The following EPB41L4B variants were observed in gnomAD, a reference collection of about 807,000 sequenced individuals.
EPB41L4B encodes the protein band 4.1-like protein 4B.
A neutral mutation model predicts 112.5 loss-of-function variants in EPB41L4B; 30 were observed. The observed-to-expected ratio is 0.27, with a 90% CI of 0.20 to 0.36. The LOEUF is 0.36. Ranked by LOEUF, EPB41L4B falls within the 10% of genes least tolerant of loss-of-function variation. EPB41L4B has a pLI of 1.00. For missense variants in EPB41L4B, 1,024 were observed against 1,133.3 expected (o/e 0.90, Z 1.38); for synonymous variants, 408 against 439.7 (o/e 0.93, Z 0.90).
chr9:109,229,703 G>A (rs1833894410), intron 15 of EPB41L4B, among the ~76,000 whole-genome samples: 1 of 152,104 alleles, frequency 6.6e-6, no homozygotes, highest in African/African-American at 2.4e-5. Flanking sequence ...TTAACACATT[G>A]GGGATAAGCT....
chr9:109,265,965 TGTTC>T (rs57882924), intron 4 of EPB41L4B, among the ~76,000 whole-genome samples: 71,064 of 151,824 alleles, frequency 0.47, 16,842 homozygotes, highest in East Asian at 0.66. Flanking sequence ...CTAGAATGAC[TGTTC>T]GCCAGAAATC....
At chr9:109,259,722 C>T (rs1253805957) in intron 6 of EPB41L4B, among the ~76,000 whole-genome samples, 2 of 152,200 alleles carry the variant, frequency 1.3e-5, no homozygotes, top group Non-Finnish European at 2.9e-5. Context: ...CCTATTAGTT[C>T]TCCCTTCTTT....
chr9:109,286,875 T>C (rs1161312480), intron 1 of EPB41L4B, among the ~76,000 whole-genome samples: 1 of 152,228 alleles, frequency 6.6e-6, no homozygotes, highest in Non-Finnish European at 1.5e-5. Flanking sequence ...AATGCAATAA[T>C]GCTCCATCTC....
chr9:109,191,683 G>A (rs1273369505), intron 22 of EPB41L4B, among the ~76,000 whole-genome samples: 1 of 152,116 alleles, frequency 6.6e-6, no homozygotes, highest in African/African-American at 2.4e-5. Flanking sequence ...ATCTCTAAGG[G>A]AATCTCATCA....
At position 109,172,984 on chromosome 9, in the gene EPB41L4B, T is replaced by C. The variant is rs1831684864; in HGVS notation, c.*1570A>G. 1 of 152,540 alleles carries C rather than the reference T, an allele frequency of 6.6e-6. No homozygotes were observed. The highest frequency in any genetic ancestry group is 6.5e-5 in the Admixed American group (1 of 15,276). The allele number at this position is 152,540 out of a possible 1,614,324, so 9.4% of individuals were successfully genotyped here. A position where few individuals can be genotyped will look rare whatever the true frequency, so the allele number is the denominator to read the frequency against. On this transcript the variant is annotated 3_prime_UTR_variant, in exon 26 of 26. Transcript: ENST00000374566. ...TATGAGATCAGTTCCTCTTAACAAG[T>C]GGTCATAAGAAATGAATGAACATTT...
intron 5 of EPB41L4B, among the ~76,000 whole-genome samples, 177 bp from the exon 6 acceptor site, chr9:109,263,279 C>T (rs1459684323): frequency 6.6e-6 from 1 of 152,158 alleles, no homozygotes; most frequent in African/African-American, 2.4e-5. Flanking sequence ...ACAAATTTCC[C>T]AAAGTCAATT....
chr9:109,247,658 C>A (rs947295570), intron 14 of EPB41L4B, 98 bp downstream of exon 14: 1 of 773,166 alleles, frequency 1.3e-6, no homozygotes, highest in South Asian at 3.2e-5. Context: ...GATGACTGCT[C>A]ATTATGGAAA....
At chr9:109,260,312 C>T (rs1332466558) in intron 6 of EPB41L4B, among the ~76,000 whole-genome samples, 6 of 152,022 alleles carry the variant, frequency 3.9e-5, no homozygotes, top group Admixed American at 2.0e-4. Flanking sequence ...CCAAGCGATC[C>T]GCCCACCTCA....
chr9:109,274,527 C>T lies in EPB41L4B; in HGVS notation c.411+5290G>A, dbSNP rs542252780. On this transcript the variant is annotated intron_variant, in intron 2 of 25. Transcript: ENST00000374566. The stretch of plus-strand genomic sequence containing the variant: ...TCAGGGGATTACTTGTCTATGTCTC[C>T]CAACAGAATGTGGCAGGCAGGGACA... 1.1e-4 allele frequency among the ~76,000 whole-genome samples: 16 copies of T among 152,304 alleles called. No individual in the cohort carries two copies. In the South Asian group the frequency reaches 2.9e-3, roughly 28 times the overall value.
Position 109,182,336 on chromosome 9 carries a change from T to C in EPB41L4B, c.2487+393A>G, listed in dbSNP as rs184112225. Reference sequence around the variant, plus strand: ...GGTCACATATGATACAATTGATTTATATGAGATATCCAGACTAGGTAAATC... The same window carrying C: ...GGTCACATATGATACAATTGATTTACATGAGATATCCAGACTAGGTAAATC... On this transcript the variant is annotated intron_variant, in intron 24 of 25. Transcript: ENST00000374566. Among the ~76,000 whole-genome samples, 3 of 152,320 alleles carry C rather than the reference T, an allele frequency of 2.0e-5. No individual in the cohort carries two copies. In the East Asian group the frequency reaches 5.8e-4, roughly 29 times the overall value.
At chr9:109,268,519 A>G (rs1835489462) in intron 2 of EPB41L4B, 86 bp from the exon 3 acceptor site, 1 of 1,243,964 alleles carries the variant, frequency 8.0e-7, no homozygotes, top group Non-Finnish European at 1.1e-6. Context: ...TAAAAGCCTT[A>G]GTAATTCTAC....
rs754411086 is a variant in EPB41L4B at position 109,243,697 on chromosome 9, C to G, written c.1345-15G>C. ...TGATATTGAGGCTAGAAATAAAACACCAAACTTGATTATTTGATGACCTTT... is the reference window on the plus strand; with the variant it reads ...TGATATTGAGGCTAGAAATAAAACAGCAAACTTGATTATTTGATGACCTTT... On this transcript the variant is annotated splice_polypyrimidine_tract_variant and intron_variant, in intron 14 of 25. Coordinates refer to ENST00000374566, the MANE Select transcript of EPB41L4B (RefSeq NM_019114.5). The G allele has an allele frequency of 2.0e-5, 32 of 1,613,150 alleles. No homozygotes were observed. Among genetic ancestry groups the G allele is most frequent in the Admixed American group, 5.0e-5 (3 of 60,000 alleles).
chr9:109,280,716 C>A (rs909753730), intron 1 of EPB41L4B, among the ~76,000 whole-genome samples: 2 of 151,972 alleles, frequency 1.3e-5, no homozygotes, highest in African/African-American at 4.8e-5. Flanking sequence ...GTCACCCAAG[C>A]GGAGCAGACA....
chr9:109,298,539 C>A (rs1836827132), intron 1 of EPB41L4B, among the ~76,000 whole-genome samples: 2 of 152,264 alleles, frequency 1.3e-5, no homozygotes, highest in South Asian at 4.2e-4. Context: ...GTCTCAAACT[C>A]CTGACCTTGT....
intron 1 of EPB41L4B, among the ~76,000 whole-genome samples, chr9:109,280,500 G>A (rs1835992397): frequency 6.6e-6 from 1 of 152,182 alleles, no homozygotes; most frequent in Non-Finnish European, 1.5e-5. Flanking sequence ...CAAGAAAGCA[G>A]TCGGAGAAAC....
intron 2 of EPB41L4B, among the ~76,000 whole-genome samples, chr9:109,275,777 C>G (rs1835790921): frequency 6.6e-6 from 1 of 152,110 alleles, no homozygotes; most frequent in Admixed American, 6.5e-5. Flanking sequence ...CTAGAAAGAG[C>G]ACATAGACCT....
At chr9:109,302,203 T>C (rs1006609267) in intron 1 of EPB41L4B, among the ~76,000 whole-genome samples, 1 of 151,916 alleles carries the variant, frequency 6.6e-6, no homozygotes. Flanking sequence ...ATCCCTGACT[T>C]AGTCTTTATC....
chr9:109,251,186 C>T (rs893585328), intron 13 of EPB41L4B, among the ~76,000 whole-genome samples: 1 of 152,280 alleles, frequency 6.6e-6, no homozygotes, highest in Non-Finnish European at 1.5e-5. Flanking sequence ...ACGCCATGAG[C>T]ACAGTGTGCT....
At chr9:109,291,562 T>C (rs1031617379) in intron 1 of EPB41L4B, among the ~76,000 whole-genome samples, 3 of 152,176 alleles carry the variant, frequency 2.0e-5, no homozygotes, top group Non-Finnish European at 2.9e-5. Flanking sequence ...TCAATTCTGG[T>C]AAAACAGAGC....
Sources: gnomAD v4.1 joint callset for allele counts (sites outside exome capture counted in the v4.1 genomes callset) on GRCh38, gnomAD v4.1.1 for gene constraint, MANE v1.5 for transcripts, NCBI Gene and HGNC (gene_info 2026-07-23, HGNC 2026-07-21) for gene names.